The following FAM227B variants were observed in gnomAD, a reference collection of about 807,000 sequenced individuals.
FAM227B encodes the protein family with sequence similarity 227 member B, also known as protein FAM227B.
Under a neutral mutation model 73.8 loss-of-function variants are expected in FAM227B, and 88 were observed. The observed-to-expected ratio is 1.19, with a 90% confidence interval of 1.00 to 1.42. FAM227B has a LOEUF of 1.42. Ranked by LOEUF, FAM227B falls within the 40% of genes most tolerant of loss-of-function variation. FAM227B has a pLI of 0.00. For missense variants in FAM227B, 632 were observed against 590.9 expected, an observed-to-expected ratio of 1.07 and a Z score of -0.72; for synonymous variants, 210 against 190.5, an observed-to-expected ratio of 1.10 and a Z score of -0.84.
At chr15:49,502,481 T>C (rs894882225) in intron 11 of FAM227B, among the ~76,000 whole-genome samples, 16 of 152,256 alleles carry the variant, frequency 1.1e-4, no homozygotes, top group African/African-American at 3.9e-4. Context: ...GGTTTGAACT[T>C]GCATTGGGCC....
chr15:49,444,850 T>G (rs1461333875), intron 11 of FAM227B, among the ~76,000 whole-genome samples: 1 of 151,762 alleles, frequency 6.6e-6, no homozygotes, highest in African/African-American at 2.4e-5. Context: ...AAAATAAATT[T>G]ACAACCTAAT....
chr15:49,593,437 AT>A (rs1426434359), intron 3 of FAM227B, among the ~76,000 whole-genome samples: 1 of 151,464 alleles, frequency 6.6e-6, no homozygotes, highest in Non-Finnish European at 1.5e-5. Context: ...TTTTATTTTT[AT>A]TTTTGTTATT....
At chr15:49,531,227 T>C (rs944010541) in intron 10 of FAM227B, among the ~76,000 whole-genome samples, 3 of 151,930 alleles carry the variant, frequency 2.0e-5, no homozygotes, top group African/African-American at 7.2e-5. Flanking sequence ...TGTATGTTGA[T>C]TTCATGTATA....
rs1389629476 is a variant in FAM227B, at chr15:49,507,903, CAAAAT to C, written c.1012+303_1012+307del. Among the ~76,000 whole-genome samples the C allele has an allele frequency of 4.6e-5, 7 of 151,542 alleles. No individual in the cohort carries two copies. The East Asian group carries it at 1.4e-3, about 29-fold the overall frequency. ...CTAAAGAAAACATAATTTAAATGAACAAAATAAAAAATGTAAATTTATCTATAGAG... is the reference window on the plus strand; with the variant it reads ...CTAAAGAAAACATAATTTAAATGAACAAAAAATGTAAATTTATCTATAGAG... On this transcript the variant is annotated intron_variant, in intron 11 of 15. Coordinates refer to ENST00000299338, the MANE Select transcript of FAM227B (RefSeq NM_152647.3).
chr15:49,517,692 C>T (rs2059471546), intron 10 of FAM227B, among the ~76,000 whole-genome samples: 1 of 152,032 alleles, frequency 6.6e-6, no homozygotes, highest in Non-Finnish European at 1.5e-5. Context: ...TATAAATATT[C>T]AAAAAATGAA....
intron 10 of FAM227B, among the ~76,000 whole-genome samples, chr15:49,526,792 C>G (rs761737879): frequency 6.6e-5 from 10 of 151,772 alleles, no homozygotes; most frequent in Non-Finnish European, 1.2e-4. Flanking sequence ...ACTAGAAAAC[C>G]TAGAAGAAAT....
At chr15:49,516,457 T>C (rs1425497889) in intron 10 of FAM227B, among the ~76,000 whole-genome samples, 3 of 151,930 alleles carry the variant, frequency 2.0e-5, no homozygotes, top group Non-Finnish European at 2.9e-5. Flanking sequence ...TAAAAATAGA[T>C]TTTGGATTGG....
intron 11 of FAM227B, among the ~76,000 whole-genome samples, chr15:49,393,423 G>A (rs1383055814): frequency 2.0e-5 from 3 of 152,212 alleles, no homozygotes; most frequent in East Asian, 3.9e-4. Flanking sequence ...TTTACTGTAA[G>A]TCAGACTTCT....
At chr15:49,542,715 T>A (rs890773912) in intron 9 of FAM227B, among the ~76,000 whole-genome samples, 1 of 149,194 alleles carries the variant, frequency 6.7e-6, no homozygotes, top group South Asian at 2.1e-4. Flanking sequence ...TATATAAATA[T>A]ATATATATAT....
chr15:49,552,662 G>GT (rs1407163360), intron 9 of FAM227B, among the ~76,000 whole-genome samples: 4 of 151,856 alleles, frequency 2.6e-5, no homozygotes, highest in Admixed American at 6.6e-5. Context: ...ATGTTTCATT[G>GT]TTTTTTGTTT....
intron 10 of FAM227B, among the ~76,000 whole-genome samples, chr15:49,512,106 GTTACATAGTT>G (rs1436292435): frequency 2.0e-5 from 3 of 151,968 alleles, no homozygotes; most frequent in African/African-American, 7.3e-5. Flanking sequence ...ATGCAGGTTT[GTTACATAGTT>G]ACACACGTAG....
Position 49,331,846 on chromosome 15 carries a change from G to C in FAM227B, c.1353C>G (p.Leu451=). The change falls in exon 15 of 16, where the codon CTC becomes CTG. Residue 451 remains leucine (L), a synonymous_variant. Coordinates refer to ENST00000299338, the MANE Select transcript of FAM227B (RefSeq NM_152647.3). ...FARNQKDFRI[L]QAKATKKPHE... is the part of the protein sequence containing the mutation. ...GAGGTTTCTTGGTAGCCTTTGCTTG[G>C]AGTCTAATCATGGAATAAAGAAAAT... 1 of 1,603,618 alleles carries C rather than the reference G, an allele frequency of 6.2e-7. No homozygotes were observed. The highest frequency in any genetic ancestry group is 1.1e-5 in the South Asian group (1 of 90,828).
At chr15:49,439,644 T>C (rs1393976416) in intron 11 of FAM227B, among the ~76,000 whole-genome samples, 1 of 151,768 alleles carries the variant, frequency 6.6e-6, no homozygotes, top group African/African-American at 2.4e-5. Context: ...TGAACAAGCC[T>C]GAGAAGTAGA....
At chr15:49,364,328 T>G (rs1023586752) in intron 13 of FAM227B, among the ~76,000 whole-genome samples, 1 of 152,168 alleles carries the variant, frequency 6.6e-6, no homozygotes, top group African/African-American at 2.4e-5. Flanking sequence ...AGTTTATTCC[T>G]AGTTCAATCT....
chr15:49,380,306 C>T lies in FAM227B; in HGVS notation c.1013-8907G>A, dbSNP rs114592588. Among the ~76,000 whole-genome samples the T allele has an allele frequency of 3.0e-3, 450 of 152,230 alleles. 7 individuals are homozygous for T. The highest frequency in any genetic ancestry group is 0.01 in the African/African-American group (424 of 41,526). On this transcript the variant is annotated intron_variant, in intron 11 of 15. Transcript: ENST00000299338. The stretch of plus-strand genomic sequence containing the variant: ...GCTCCCCTCTGTCCAAGGGCAGGTC[C>T]AGAAATGCTGTCCAAGAGTCAAATC...
chr15:49,505,994 T>G (rs2152108801), intron 11 of FAM227B, among the ~76,000 whole-genome samples: 1 of 151,936 alleles, frequency 6.6e-6, no homozygotes, highest in African/African-American at 2.4e-5. Context: ...ATATTAAGAT[T>G]AAACAAAATG....
At chr15:49,529,838 T>C (rs189374370) in intron 10 of FAM227B, among the ~76,000 whole-genome samples, 7 of 151,892 alleles carry the variant, frequency 4.6e-5, no homozygotes, top group Admixed American at 4.6e-4. Context: ...ACTTGAAGAT[T>C]GTTATATAAA....
chr15:49,457,562 G>A (rs1402044446), intron 11 of FAM227B, among the ~76,000 whole-genome samples: 1 of 151,890 alleles, frequency 6.6e-6, no homozygotes, highest in Non-Finnish European at 1.5e-5. Flanking sequence ...TTAGAGAACA[G>A]AAACTTTTCT....
rs991091449 is a variant in FAM227B at position 49,492,537 on chromosome 15, T to C, written c.1012+15674A>G. Among the ~76,000 whole-genome samples the C allele has an allele frequency of 3.3e-5, 5 of 151,926 alleles. No homozygotes were observed. The East Asian group carries it at 7.7e-4, about 23-fold the overall frequency. ...TTGTACATGTCACTCAACTAGCTAT[T>C]CATCTGTCCAACTTTTATGATATTG... On this transcript the variant is annotated intron_variant, in intron 11 of 15. Coordinates refer to ENST00000299338, the MANE Select transcript of FAM227B (RefSeq NM_152647.3).
Sources: allele counts gnomAD v4.1 joint callset (sites outside exome capture counted in the v4.1 genomes callset), GRCh38; gene constraint gnomAD v4.1.1; transcripts MANE v1.5; gene names NCBI Gene and HGNC (gene_info 2026-07-23, HGNC 2026-07-21).